MYLK4: variants seen among roughly 807,000 people sequenced by gnomAD.
MYLK4 encodes caMLCK like.
A neutral mutation model predicts 48.1 loss-of-function variants in MYLK4; 46 were observed. The observed-to-expected ratio is 0.96, with a 90% CI of 0.75 to 1.22. MYLK4 has a LOEUF of 1.22. Among genes scored for constraint, MYLK4 ranks in the 50% most tolerant of loss-of-function variants. The pLI, the probability that MYLK4 is intolerant of heterozygous loss-of-function variation, is 0.00. For synonymous variants in MYLK4, 170 were observed against 180.8 expected (o/e 0.94, Z 0.48); for missense variants, 451 against 486.1 (o/e 0.93, Z 0.68).
At chr6:2,711,444 C>T (rs529779878) in intron 2 of MYLK4, among the ~76,000 whole-genome samples, 1 of 152,294 alleles carries the variant, frequency 6.6e-6, no homozygotes, top group East Asian at 1.9e-4. Flanking sequence ...GTTCCATGTT[C>T]TAAATATTCT....
At chr6:2,762,773 C>T in the MYLK4 span, among the ~76,000 whole-genome samples, 15 of 152,236 alleles carry the variant, frequency 9.9e-5, no homozygotes, top group Non-Finnish European at 1.6e-4. Flanking sequence ...CTGATCTCGC[C>T]GGCTCAGAAA....
intron 9 of MYLK4, among the ~76,000 whole-genome samples, chr6:2,678,711 G>GTTTT (rs11344815): frequency 4.5e-5 from 6 of 132,314 alleles, no homozygotes; most frequent in Admixed American, 7.7e-5. Flanking sequence ...TAGGAGATCA[G>GTTTT]TTTTTTTTTT....
At chr6:2,707,992 C>CA (rs1181027141) in intron 2 of MYLK4, among the ~76,000 whole-genome samples, 1 of 152,078 alleles carries the variant, frequency 6.6e-6, no homozygotes, top group African/African-American at 2.4e-5. Context: ...TTCACATTCA[C>CA]AGAGTGTATA....
chr6:2,722,811 GA>G (rs1763117205), intron 2 of MYLK4, among the ~76,000 whole-genome samples: 1 of 152,000 alleles, frequency 6.6e-6, no homozygotes, highest in African/African-American at 2.4e-5. Flanking sequence ...TATGTAAATG[GA>G]TAACGAATAT....
At chr6:2,719,714 T>G (rs965489895) in intron 2 of MYLK4, among the ~76,000 whole-genome samples, 1 of 152,126 alleles carries the variant, frequency 6.6e-6, no homozygotes, top group Non-Finnish European at 1.5e-5. Context: ...AGTATGAAAT[T>G]TATTTAAAAA....
chr6:2,763,885 G>T, the MYLK4 span, among the ~76,000 whole-genome samples: 1 of 151,986 alleles, frequency 6.6e-6, no homozygotes, highest in Non-Finnish European at 1.5e-5. Flanking sequence ...AGTGGCTCAT[G>T]CCTGTAATCC....
At chr6:2,764,395 G>GAC in the MYLK4 span, among the ~76,000 whole-genome samples, 1 of 152,136 alleles carries the variant, frequency 6.6e-6, no homozygotes, top group African/African-American at 2.4e-5. Context: ...CAGCCTGGGC[G>GAC]ACAGAACGAG....
At chr6:2,742,661 T>C (rs1447468993) in intron 2 of MYLK4, among the ~76,000 whole-genome samples, 3 of 142,516 alleles carry the variant, frequency 2.1e-5, no homozygotes, top group Non-Finnish European at 4.5e-5. Flanking sequence ...AGATGGGAAT[T>C]GAACAATGAG....
Position 2,678,207 on chromosome 6 carries a change from G to T in MYLK4, c.1040+13C>A. ...CCCTACTGCGCCCGGAGCACAGGAC[G>T]AACTTGCGTTACCTCTTCTCCTTAA... On this transcript the variant is annotated intron_variant, in intron 10 of 12. Transcript: ENST00000274643. 1 of 1,613,092 alleles carries T rather than the reference G, an allele frequency of 6.2e-7. No individual in the cohort carries two copies. Among genetic ancestry groups the T allele is most frequent in the South Asian group, 1.1e-5 (1 of 90,936 alleles).
chr6:2,737,670 C>A (rs919401523), intron 2 of MYLK4, among the ~76,000 whole-genome samples: 1 of 152,056 alleles, frequency 6.6e-6, no homozygotes, highest in African/African-American at 2.4e-5. Context: ...CATCAAGATG[C>A]TAGGATCCCA....
chr6:2,665,592 G>GCTGT lies in MYLK4; in HGVS notation c.*2329_*2332dup, dbSNP rs1218908823. On this transcript the variant is annotated 3_prime_UTR_variant, in exon 13 of 13. Transcript: ENST00000274643. The stretch of plus-strand genomic sequence containing the variant: ...GAAATCATGCCTGTATTTGGCCTGA[G>GCTGT]CTGTCTCTTCCATGTGTGGCAGGGT... 3 of 152,244 alleles carry GCTGT rather than the reference G, an allele frequency of 2.0e-5. No individual in the cohort carries two copies. Among genetic ancestry groups the GCTGT allele is most frequent in the Admixed American group, 6.5e-5 (1 of 15,292 alleles). 9.4% of individuals were successfully genotyped at this position (152,244 alleles called of 1,614,324 possible). A position where few individuals can be genotyped will look rare whatever the true frequency, so the allele number is the denominator to read the frequency against.
At chr6:2,750,080 GTCTATATGTA>G (rs2113385083) in intron 1 of MYLK4, among the ~76,000 whole-genome samples, 1 of 152,294 alleles carries the variant, frequency 6.6e-6, no homozygotes, top group East Asian at 1.9e-4. Context: ...ATATACGCAT[GTCTATATGTA>G]CACATCACTT....
chr6:2,718,705 C>A lies in MYLK4; in HGVS notation c.160-25846G>T, dbSNP rs576290830. ...CATAGAGCTCTGTTTCTAGAAGCTGCATACAATTTCTAACTAAATATTAGC... is the reference window on the plus strand; with the variant it reads ...CATAGAGCTCTGTTTCTAGAAGCTGAATACAATTTCTAACTAAATATTAGC... On this transcript the variant is annotated intron_variant, in intron 2 of 12. Transcript: ENST00000274643. Among the ~76,000 whole-genome samples the A allele has an allele frequency of 2.0e-5, 3 of 152,314 alleles. No homozygotes were observed. In the South Asian group the frequency reaches 6.2e-4, roughly 32 times the overall value.
At chr6:2,721,534 TC>T (rs140985005) in intron 2 of MYLK4, among the ~76,000 whole-genome samples, 55,789 of 152,060 alleles carry the variant, frequency 0.37, 10,427 homozygotes, top group Middle Eastern at 0.44. Context: ...TTATTTTCTT[TC>T]CCTTTTCTTT....
chr6:2,697,338 A>G (rs1485665649), intron 2 of MYLK4, among the ~76,000 whole-genome samples: 1 of 152,276 alleles, frequency 6.6e-6, no homozygotes, highest in African/African-American at 2.4e-5. Context: ...CTCCTTCTGC[A>G]AAGTACTGCT....
the MYLK4 span, among the ~76,000 whole-genome samples, chr6:2,769,245 T>A: frequency 2.0e-5 from 3 of 152,352 alleles, no homozygotes; most frequent in Non-Finnish European, 2.9e-5. Context: ...AAAATTACTT[T>A]AACAGTATTT....
chr6:2,694,453 A>G (rs1242278087), intron 2 of MYLK4, among the ~76,000 whole-genome samples: 2 of 41,754 alleles, frequency 4.8e-5, no homozygotes, highest in African/African-American at 1.7e-4. Context: ...TTCAGAGACC[A>G]GTACGTAGTG....
intron 2 of MYLK4, among the ~76,000 whole-genome samples, chr6:2,711,202 C>T (rs1363123665): frequency 6.6e-6 from 1 of 152,186 alleles, no homozygotes; most frequent in East Asian, 1.9e-4. Flanking sequence ...ACAGTTTCAC[C>T]CAGCTGTTGT....
intron 4 of MYLK4, among the ~76,000 whole-genome samples, chr6:2,687,495 G>A (rs2126243): frequency 0.26 from 40,066 of 152,038 alleles, 6,146 homozygotes; most frequent in East Asian, 0.46. Flanking sequence ...ACAAACCCTG[G>A]GAATTCTTTC....
Sources: allele counts gnomAD v4.1 joint callset (sites outside exome capture counted in the v4.1 genomes callset), GRCh38; gene constraint gnomAD v4.1.1; transcripts MANE v1.5; gene names NCBI Gene and HGNC (gene_info 2026-07-23, HGNC 2026-07-21).